The following FAM53B variants were observed in gnomAD, a reference collection of about 807,000 sequenced individuals.
FAM53B encodes protein FAM53B.
Under a neutral mutation model 32.7 loss-of-function variants are expected in FAM53B, and 12 were observed. The ratio of observed to expected loss-of-function variants is 0.37; its 90% CI spans 0.24 to 0.59. The LOEUF (loss-of-function observed/expected upper bound fraction) is 0.59. FAM53B is among the 20% of genes least tolerant of loss of function. FAM53B has a pLI of 0.72. For missense variants in FAM53B, 477 were observed against 577.7 expected, an observed-to-expected ratio of 0.83 and a Z score of 1.79; for synonymous variants, 234 against 228.7, an observed-to-expected ratio of 1.02 and a Z score of -0.21.
At position 124,681,720 on chromosome 10, in the gene FAM53B, G is replaced by A. The variant is rs1043962767; in HGVS notation, c.793C>T (p.Arg265Cys). 3 of 1,610,640 alleles carry A rather than the reference G, an allele frequency of 1.9e-6. No homozygotes were observed. The highest frequency in any genetic ancestry group is 1.7e-6 in the Non-Finnish European group (2 of 1,178,640). The change falls in exon 4 of 5, where the codon CGC becomes TGC. Residue 265 changes from arginine (R) to cysteine (C), a missense_variant. Arg to Cys is a radical substitution (Grantham distance 180). Around this residue, in one of 2 missense-constraint regions of FAM53B, gnomAD observed 312 missense variants for 420.2 expected, o/e 0.74. Coordinates refer to ENST00000337318, the MANE Select transcript of FAM53B (RefSeq NM_014661.4). Reference sequence around the variant, plus strand: ...AGGACACACGGCTGGGAGCGGCTGCGGGAAAGGCCGCTGGAGCGTCTCGCC... The same window carrying A: ...AGGACACACGGCTGGGAGCGGCTGCAGGAAAGGCCGCTGGAGCGTCTCGCC... ...ELARRSSGLS[R>C]SRSQPCVLND...
At chr10:124,701,307 G>A (rs1423116049) in intron 2 of FAM53B, among the ~76,000 whole-genome samples, 1 of 152,242 alleles carries the variant, frequency 6.6e-6, no homozygotes, top group Non-Finnish European at 1.5e-5. Flanking sequence ...AAGTCATTTA[G>A]CCTTGGCATC....
intron 4 of FAM53B, among the ~76,000 whole-genome samples, chr10:124,673,036 T>C (rs1276395039): frequency 3.3e-5 from 5 of 152,172 alleles, no homozygotes; most frequent in Admixed American, 2.6e-4. Context: ...GGATAATTGA[T>C]TCTCTGCCCA....
intron 4 of FAM53B, among the ~76,000 whole-genome samples, chr10:124,661,239 C>G (rs995701649): frequency 1.3e-5 from 2 of 152,088 alleles, no homozygotes; most frequent in Non-Finnish European, 1.5e-5. Context: ...CTCAGCAGAT[C>G]TATAGTTAGC....
At chr10:124,631,612 G>C (rs1044123672) in intron 4 of FAM53B, among the ~76,000 whole-genome samples, 14 of 152,198 alleles carry the variant, frequency 9.2e-5, no homozygotes, top group Non-Finnish European at 2.9e-5. Flanking sequence ...GCAGGCCAGA[G>C]CCCGGCCACC....
chr10:124,710,403 TCAG>T (rs1308587158), intron 1 of FAM53B, among the ~76,000 whole-genome samples: 1 of 152,232 alleles, frequency 6.6e-6, no homozygotes, highest in Non-Finnish European at 1.5e-5. Flanking sequence ...GGGCACGTTC[TCAG>T]AATTTGTGAG....
intron 4 of FAM53B, among the ~76,000 whole-genome samples, chr10:124,666,180 T>G (rs1949671158): frequency 6.6e-6 from 1 of 152,158 alleles, no homozygotes; most frequent in African/African-American, 2.4e-5. Context: ...GCCCTGACAT[T>G]CCTGTGAATC....
chr10:124,720,286 A>G (rs1324516497), intron 1 of FAM53B, among the ~76,000 whole-genome samples: 1 of 146,578 alleles, frequency 6.8e-6, no homozygotes, highest in African/African-American at 2.5e-5. Flanking sequence ...CCTAGGCAAT[A>G]TAGTGAGACC....
rs1271658373 is a variant in FAM53B, at chr10:124,622,441, C to G, written c.*801G>C. The G allele has an allele frequency of 6.6e-6, 1 of 152,256 alleles. No individual in the cohort carries two copies. Among genetic ancestry groups the G allele is most frequent in the East Asian group, 1.9e-4 (1 of 5,190 alleles). The allele number at this position is 152,256 out of a possible 1,614,324, so 9.4% of individuals were successfully genotyped here. On this transcript the variant is annotated 3_prime_UTR_variant, in exon 5 of 5. Transcript: ENST00000337318. ...CAGAGAAGGGCTGCCATCTGCTAACCCTGCCCCAACGGTGGCAGAGCCATG... is the reference window on the plus strand; with the variant it reads ...CAGAGAAGGGCTGCCATCTGCTAACGCTGCCCCAACGGTGGCAGAGCCATG...
intron 4 of FAM53B, among the ~76,000 whole-genome samples, chr10:124,647,507 C>A (rs1339317944): frequency 6.6e-6 from 1 of 152,220 alleles, no homozygotes; most frequent in South Asian, 2.1e-4. Flanking sequence ...GTCGCCAAGA[C>A]CCCACCACAT....
chr10:124,720,153 G>C (rs956719460), intron 1 of FAM53B, among the ~76,000 whole-genome samples: 6 of 143,758 alleles, frequency 4.2e-5, no homozygotes, highest in East Asian at 2.0e-4. Context: ...ACAAAAGAGA[G>C]ACTTCATCTA....
chr10:124,744,368 G>A lies in FAM53B; in HGVS notation c.-530C>T, dbSNP rs1054914607. On this transcript the variant is annotated 5_prime_UTR_variant, in exon 1 of 5. Coordinates refer to ENST00000337318, the MANE Select transcript of FAM53B (RefSeq NM_014661.4). ...GCGGCGTGCGGCGGCGGCGGCAGGC[G>A]AGTGTGCAGTGCGCGCAGCCGCCGA... 6.8e-6 allele frequency: 1 copy of A among 147,600 alleles called. No individual in the cohort carries two copies. The highest frequency in any genetic ancestry group is 1.8e-4 in the South Asian group (1 of 5,608). The allele number at this position is 147,600 out of a possible 1,614,324, so 9.1% of individuals were successfully genotyped here. A position where few individuals can be genotyped will look rare whatever the true frequency, so the allele number is the denominator to read the frequency against.
intron 4 of FAM53B, among the ~76,000 whole-genome samples, chr10:124,675,121 T>C (rs1949729311): frequency 6.6e-6 from 1 of 152,206 alleles, no homozygotes; most frequent in African/African-American, 2.4e-5. Flanking sequence ...CCGATCCCAG[T>C]GACCTTAAGC....
At chr10:124,635,045 A>G (rs1949419615) in intron 4 of FAM53B, among the ~76,000 whole-genome samples, 1 of 152,216 alleles carries the variant, frequency 6.6e-6, no homozygotes, top group Non-Finnish European at 1.5e-5. Flanking sequence ...TCTCCCTAAT[A>G]TACAATTGAG....
rs188143037 is a variant in FAM53B at position 124,705,392 on chromosome 10, A to G, written c.78+1244T>C. On this transcript the variant is annotated intron_variant, in intron 2 of 4. Transcript: ENST00000337318. ...TTGTAAAACAAGGAGGCTGGACCCA[A>G]CGGTTTCTAAGCCACTTCTTCTCAC... Among the ~76,000 whole-genome samples the G allele has an allele frequency of 3.9e-5, 6 of 152,348 alleles. No individual in the cohort carries two copies. The East Asian group carries it at 9.6e-4, about 24-fold the overall frequency.
At chr10:124,726,617 G>A (rs913991623) in intron 1 of FAM53B, among the ~76,000 whole-genome samples, 10 of 152,192 alleles carry the variant, frequency 6.6e-5, no homozygotes, top group South Asian at 2.1e-4. Flanking sequence ...TTGACTATGC[G>A]GTGAAATACG....
Position 124,712,447 on chromosome 10 carries a change from A to G in FAM53B, c.-174-5560T>C, listed in dbSNP as rs148976777. Among the ~76,000 whole-genome samples the G allele has an allele frequency of 5.7e-3, 867 of 152,316 alleles. 4 individuals carry two copies. Among genetic ancestry groups the G allele is most frequent in the Non-Finnish European group, 8.8e-3 (600 of 68,030 alleles). ...GTAAGATTTAAATAAGAAAACACAT[A>G]TAAAAAAGCTCGGCACAGAGAAGGC... On this transcript the variant is annotated intron_variant, in intron 1 of 4. Coordinates refer to ENST00000337318, the MANE Select transcript of FAM53B (RefSeq NM_014661.4).
intron 1 of FAM53B, among the ~76,000 whole-genome samples, chr10:124,723,331 C>T (rs964143290): frequency 1.3e-5 from 2 of 152,230 alleles, no homozygotes; most frequent in African/African-American, 4.8e-5. Flanking sequence ...TGAAATCTGT[C>T]TTGCTTGCAG....
intron 1 of FAM53B, among the ~76,000 whole-genome samples, chr10:124,732,491 T>G (rs1434671816): frequency 6.6e-6 from 1 of 152,212 alleles, no homozygotes; most frequent in Non-Finnish European, 1.5e-5. Context: ...CACCACGCCA[T>G]GTCTCAGAAC....
intron 2 of FAM53B, among the ~76,000 whole-genome samples, chr10:124,699,274 C>T (rs866474410): frequency 2.0e-5 from 3 of 152,334 alleles, no homozygotes; most frequent in East Asian, 3.9e-4. Flanking sequence ...CACCTGTCAG[C>T]GCCAGCCTGT....
Sources: gnomAD v4.1 joint callset for allele counts (sites outside exome capture counted in the v4.1 genomes callset) on GRCh38, gnomAD v4.1.1 for gene constraint, gnomAD v4.1.1 regional missense constraint, MANE v1.5 for transcripts, NCBI Gene and HGNC (gene_info 2026-07-23, HGNC 2026-07-21) for gene names.